Variants in FAM193A observed in about 807,000 individuals in gnomAD.
The protein encoded by FAM193A is family with sequence similarity 193 member A.
A neutral mutation model predicts 126.5 loss-of-function variants in FAM193A; 22 were observed. That is an observed-to-expected ratio of 0.17 (90% confidence interval 0.12 to 0.25). The LOEUF (loss-of-function observed/expected upper bound fraction) is 0.25. Among genes scored for constraint, FAM193A ranks in the 10% least tolerant of loss-of-function variants. The pLI is 1.00. For synonymous variants in FAM193A, 761 were observed against 646.8 expected (o/e 1.18, Z -2.68); for missense variants, 1,675 against 1,672.8 (o/e 1.00, Z -0.02).
At position 2,536,818 on chromosome 4, in the gene FAM193A, C is replaced by G. The variant is rs1175753726; in HGVS notation, c.-98C>G. ...CGCAGCGCCCCCCGGCTGGCCGGAG[C>G]GCCCGCCGCCGCGGCCGCCTCAGCC... On this transcript the variant is annotated 5_prime_UTR_variant, in exon 1 of 21. Coordinates refer to ENST00000637812, the MANE Select transcript of FAM193A (RefSeq NM_001366318.2). 8 of 146,106 alleles carry G rather than the reference C, an allele frequency of 5.5e-5. No homozygotes were observed. 9.1% of individuals were successfully genotyped at this position (146,106 alleles called of 1,614,324 possible).
chr4:2,701,519 T>C (rs1717729529), intron 19 of FAM193A, among the ~76,000 whole-genome samples: 1 of 152,120 alleles, frequency 6.6e-6, no homozygotes, highest in African/African-American at 2.4e-5. Flanking sequence ...ACACCACTGA[T>C]GTGGCCAGTC....
intron 1 of FAM193A, among the ~76,000 whole-genome samples, chr4:2,582,884 T>A (rs910641441): frequency 6.6e-6 from 1 of 152,192 alleles, no homozygotes; most frequent in South Asian, 2.1e-4. Context: ...TATTCTGCTG[T>A]TGGCTGTTGT....
At chr4:2,662,742 G>A (rs937611160) in intron 10 of FAM193A, 96 bp from the exon 11 acceptor site, 10 of 878,152 alleles carry the variant, frequency 1.1e-5, no homozygotes, top group Non-Finnish European at 1.8e-5. Flanking sequence ...AATGAAAGCC[G>A]TGATCTGTCC....
At chr4:2,680,730 C>G (rs1431824254) in intron 13 of FAM193A, among the ~76,000 whole-genome samples, 2 of 152,122 alleles carry the variant, frequency 1.3e-5, no homozygotes, top group East Asian at 3.9e-4. Flanking sequence ...CAACCTCTGC[C>G]TCCCAGGTTC....
At chr4:2,711,063 A>G (rs1297892583) in intron 19 of FAM193A, among the ~76,000 whole-genome samples, 6 of 150,874 alleles carry the variant, frequency 4.0e-5, no homozygotes, top group East Asian at 2.0e-4. Context: ...CATGTTAGCC[A>G]GGATGGTCTC....
At chr4:2,725,677 A>G (rs1301644473) in intron 20 of FAM193A, among the ~76,000 whole-genome samples, 1 of 151,636 alleles carries the variant, frequency 6.6e-6, no homozygotes, top group Non-Finnish European at 1.5e-5. Context: ...ATCACTATCA[A>G]TATAATTTCT....
chr4:2,630,496 T>C (rs1313387394), intron 4 of FAM193A, among the ~76,000 whole-genome samples: 1 of 152,170 alleles, frequency 6.6e-6, no homozygotes, highest in Non-Finnish European at 1.5e-5. Context: ...CTTGTTAACA[T>C]ATAAGCCTTT....
intron 20 of FAM193A, among the ~76,000 whole-genome samples, chr4:2,716,879 G>C (rs1170658903): frequency 6.6e-6 from 1 of 151,988 alleles, no homozygotes; most frequent in African/African-American, 2.4e-5. Context: ...TTTCACCGTG[G>C]TTACCAGACT....
chr4:2,655,077 A>G (rs1163666600), intron 7 of FAM193A: 1 of 700,700 alleles, frequency 1.4e-6, no homozygotes, highest in Non-Finnish European at 2.6e-6. Context: ...ACCAGTGTGA[A>G]TAAGAGCATT....
rs1347508722 is a variant in FAM193A at position 2,659,846 on chromosome 4, C to T, written c.1537C>T (p.Leu513Phe). 2 of 1,614,062 alleles carry T rather than the reference C, an allele frequency of 1.2e-6. No individual in the cohort carries two copies. Among genetic ancestry groups the T allele is most frequent in the South Asian group, 1.1e-5 (1 of 91,068 alleles). ...CGATGACTGCAGTCTCTCACACATC[C>T]TCACGTGTGGTATCATGGACCCCCC... ...ACDDCSLSHI[L>F]TCGIMDPPVT... The change falls in exon 10 of 21, where the codon CTC (leucine) becomes TTC (phenylalanine). Residue 513 changes from leucine (L) to phenylalanine (F), a missense_variant. Leu to Phe is a conservative substitution (Grantham distance 22). This residue lies in a region of FAM193A where 1,186 missense variants were observed against 1,109.2 expected (regional missense o/e 1.07). Transcript: ENST00000637812.
At chr4:2,668,606 C>T (rs1713413198) in intron 12 of FAM193A, among the ~76,000 whole-genome samples, 1 of 152,118 alleles carries the variant, frequency 6.6e-6, no homozygotes, top group Admixed American at 6.6e-5. Context: ...AGCTCCATTT[C>T]CTTCTTTCTC....
chr4:2,546,785 A>G (rs1737581625), intron 1 of FAM193A, among the ~76,000 whole-genome samples: 1 of 152,174 alleles, frequency 6.6e-6, no homozygotes, highest in African/African-American at 2.4e-5. Context: ...GGTAAATACC[A>G]AGGAGTAGGA....
intron 1 of FAM193A, among the ~76,000 whole-genome samples, chr4:2,586,420 G>A (rs979434970): frequency 6.6e-6 from 1 of 151,914 alleles, no homozygotes; most frequent in Admixed American, 6.6e-5. Context: ...GTGTGAGATA[G>A]GGGCCCAGTT....
intron 13 of FAM193A, among the ~76,000 whole-genome samples, chr4:2,681,236 T>G (rs889104084): frequency 6.6e-5 from 10 of 152,152 alleles, no homozygotes; most frequent in African/African-American, 2.4e-4. Context: ...TTTTTCTTAC[T>G]CCATCTCACT....
chr4:2,693,457 A>C, intron 15 of FAM193A, 129 bp from the exon 16 acceptor site: 1 of 883,196 alleles, frequency 1.1e-6, no homozygotes, highest in African/African-American at 1.7e-5. Context: ...ATATGACAGA[A>C]TATTAGGTCG....
At chr4:2,621,525 C>T (rs1271936143) in intron 2 of FAM193A, among the ~76,000 whole-genome samples, 1 of 152,194 alleles carries the variant, frequency 6.6e-6, no homozygotes, top group African/African-American at 2.4e-5. Context: ...ACGGTGTTTG[C>T]TCCTAAGTGA....
At chr4:2,665,867 G>A (rs867705112) in intron 12 of FAM193A, among the ~76,000 whole-genome samples, 2 of 151,816 alleles carry the variant, frequency 1.3e-5, no homozygotes, top group Non-Finnish European at 2.9e-5. Context: ...TTTTTTTTGA[G>A]ACGGAGTCTC....
In FAM193A at chr4:2,644,006, T is replaced by A. The variant is rs1577124771; in HGVS notation, c.1164-2679T>A. Among the ~76,000 whole-genome samples the A allele has an allele frequency of 3.3e-5, 5 of 152,330 alleles. 2 individuals carry two copies. Among genetic ancestry groups the A allele is most frequent in the Admixed American group, 3.3e-4 (5 of 15,302 alleles). On this transcript the variant is annotated intron_variant, in intron 6 of 20. Coordinates refer to ENST00000637812, the MANE Select transcript of FAM193A (RefSeq NM_001366318.2). ...CAATAATAATGTTTCACATACACAT[T>A]GGTAACATTACAGTAAGCATATTTT... is the stretch of plus-strand genomic sequence containing the variant.
chr4:2,671,052 AG>A, intron 12 of FAM193A, among the ~76,000 whole-genome samples: 1 of 152,286 alleles, frequency 6.6e-6, no homozygotes, highest in South Asian at 2.1e-4. Context: ...TGATTTGGGC[AG>A]AGGTTGCCCA....
Sources: gnomAD v4.1 joint callset for allele counts (sites outside exome capture counted in the v4.1 genomes callset) on GRCh38, gnomAD v4.1.1 for gene constraint, gnomAD v4.1.1 regional missense constraint, MANE v1.5 for transcripts, NCBI Gene and HGNC (gene_info 2026-07-23, HGNC 2026-07-21) for gene names.